The following CEP170 variants were observed in gnomAD, a reference collection of about 807,000 sequenced individuals.
The protein encoded by CEP170 is centrosomal protein 170.
A neutral mutation model predicts 151.9 loss-of-function variants in CEP170; 21 were observed. The ratio of observed to expected loss-of-function variants is 0.14; its 90% CI spans 0.10 to 0.20. The LOEUF (loss-of-function observed/expected upper bound fraction) is 0.20, where lower values mean the gene tolerates loss of function less well. Ranked by LOEUF, CEP170 falls within the 10% of genes least tolerant of loss-of-function variation. The pLI, the probability that CEP170 is intolerant of heterozygous loss-of-function variation, is 1.00. For missense variants in CEP170, 964 were observed against 1,892.9 expected, an observed-to-expected ratio of 0.51 and a Z score of 9.11; for synonymous variants, 356 against 648.8, an observed-to-expected ratio of 0.55 and a Z score of 6.86.
At chr1:243,145,346 CTCACTGCAA>C (rs1301983964) in intron 14 of CEP170, among the ~76,000 whole-genome samples, 3 of 152,190 alleles carry the variant, frequency 2.0e-5, no homozygotes, top group Admixed American at 2.0e-4. Context: ...GCAATCTCAG[CTCACTGCAA>C]CCTCTGCCTC....
chr1:243,162,193 A>C (rs2058120050), intron 13 of CEP170, among the ~76,000 whole-genome samples: 1 of 152,222 alleles, frequency 6.6e-6, no homozygotes, highest in African/African-American at 2.4e-5. Context: ...TACTCCTGAT[A>C]ATAATCCAGT....
At chr1:243,141,999 AT>A (rs2055896847) in intron 15 of CEP170, among the ~76,000 whole-genome samples, 1 of 152,182 alleles carries the variant, frequency 6.6e-6, no homozygotes, top group Admixed American at 6.5e-5. Flanking sequence ...TTATACCATC[AT>A]TTATCAAATT....
At chr1:243,211,819 GTTAAC>G (rs1255900310) in intron 4 of CEP170, 62 bp downstream of exon 4, 3 of 1,534,414 alleles carry the variant, frequency 2.0e-6, no homozygotes, top group Admixed American at 3.9e-5. Context: ...TTTTAAAAAT[GTTAAC>G]TTAAACCAGA....
intron 10 of CEP170, among the ~76,000 whole-genome samples, chr1:243,181,903 C>T (rs1014394383): frequency 6.6e-6 from 1 of 152,102 alleles, no homozygotes; most frequent in African/African-American, 2.4e-5. Context: ...TTTGCTCTCA[C>T]CCTATACATT....
rs769759316 is a variant in CEP170, at chr1:243,244,378, CA to C, written c.-42+10661del. Among the ~76,000 whole-genome samples the C allele has an allele frequency of 3.4e-4, 52 of 152,008 alleles. 1 individual carries two copies. The highest frequency in any genetic ancestry group is 5.2e-4 in the Admixed American group (8 of 15,242). On this transcript the variant is annotated intron_variant, in intron 1 of 19. Transcript: ENST00000366542. Reference sequence around the variant, plus strand: ...TGTATCACACACACACACACACACACACCCTCAAAAACTTACCTCCCAATTT... The same window carrying C: ...TGTATCACACACACACACACACACACCCCTCAAAAACTTACCTCCCAATTT...
intron 10 of CEP170, among the ~76,000 whole-genome samples, chr1:243,179,951 A>G (rs1186048397): frequency 6.6e-6 from 1 of 152,250 alleles, no homozygotes; most frequent in Non-Finnish European, 1.5e-5. Context: ...GGTGAGTAAA[A>G]GCCACTTCAA....
chr1:243,247,323 G>GA (rs1013198677), intron 1 of CEP170, among the ~76,000 whole-genome samples: 3 of 151,990 alleles, frequency 2.0e-5, no homozygotes, highest in African/African-American at 7.2e-5. Flanking sequence ...TTAGGATTGG[G>GA]AAAAAAAGCT....
intron 13 of CEP170, chr1:243,156,784 C>T: frequency 5.4e-6 from 1 of 184,716 alleles, no homozygotes; most frequent in Non-Finnish European, 1.1e-5. Context: ...GAGTACTTTT[C>T]AATTGCAAAT....
intron 2 of CEP170, among the ~76,000 whole-genome samples, chr1:243,224,760 A>G (rs1241561964): frequency 1.3e-5 from 2 of 152,200 alleles, no homozygotes; most frequent in African/African-American, 4.8e-5. Context: ...TTACTTTTAA[A>G]AATTGTCAAC....
intron 1 of CEP170, among the ~76,000 whole-genome samples, chr1:243,241,320 C>T (rs1240659352): frequency 6.6e-6 from 1 of 152,130 alleles, no homozygotes; most frequent in South Asian, 2.1e-4. Context: ...AATTTAATCG[C>T]CTTATAAAAC....
intron 13 of CEP170, among the ~76,000 whole-genome samples, chr1:243,162,032 C>G (rs2058104659): frequency 6.6e-6 from 1 of 152,106 alleles, no homozygotes. Context: ...AAGTGGGTAT[C>G]TTGAGAGAAT....
At chr1:243,163,847 TTTCTTCAAG>T (rs1454225092) in intron 13 of CEP170, among the ~76,000 whole-genome samples, 1 of 152,246 alleles carries the variant, frequency 6.6e-6, no homozygotes, top group East Asian at 1.9e-4. Context: ...ATATACTGCT[TTTCTTCAAG>T]TTCTTAAGGG....
chr1:243,152,684 A>G (rs1475298733), intron 14 of CEP170, among the ~76,000 whole-genome samples: 1 of 149,818 alleles, frequency 6.7e-6, no homozygotes, highest in Non-Finnish European at 1.5e-5. Context: ...GGCACGTACC[A>G]CCATGCCCAG....
intron 1 of CEP170, among the ~76,000 whole-genome samples, chr1:243,239,168 T>A (rs1436951051): frequency 6.6e-6 from 1 of 152,220 alleles, no homozygotes; most frequent in African/African-American, 2.4e-5. Flanking sequence ...CTCCTCAGAT[T>A]TAATTTTTAA....
chr1:243,182,232 C>T (rs2059664350), intron 10 of CEP170, among the ~76,000 whole-genome samples: 1 of 152,050 alleles, frequency 6.6e-6, no homozygotes. Context: ...TTTGACCCAG[C>T]ATGTAGCCCT....
chr1:243,174,781 C>A (rs1047171131), intron 10 of CEP170, among the ~76,000 whole-genome samples: 4 of 152,070 alleles, frequency 2.6e-5, no homozygotes, highest in Non-Finnish European at 4.4e-5. Context: ...TTAACATTAG[C>A]GTTAAGTTTA....
chr1:243,177,574 A>G (rs2059335758), intron 10 of CEP170, among the ~76,000 whole-genome samples: 1 of 152,208 alleles, frequency 6.6e-6, no homozygotes, highest in African/African-American at 2.4e-5. Context: ...GATCAAATCA[A>G]TAGTAGAGGT....
intron 4 of CEP170, among the ~76,000 whole-genome samples, chr1:243,210,796 T>C (rs907859839): frequency 1.3e-5 from 2 of 151,854 alleles, no homozygotes; most frequent in African/African-American, 2.4e-5. Flanking sequence ...AACATTTTTT[T>C]GTATTTTTAG....
chr1:243,168,955 C>A (rs899717655), intron 12 of CEP170, among the ~76,000 whole-genome samples: 1 of 150,130 alleles, frequency 6.7e-6, no homozygotes, highest in Non-Finnish European at 1.5e-5. Flanking sequence ...TGAATGAAAT[C>A]GTTTGGACCT....
Sources: allele counts gnomAD v4.1 joint callset (sites outside exome capture counted in the v4.1 genomes callset), GRCh38; gene constraint gnomAD v4.1.1; transcripts MANE v1.5; gene names NCBI Gene and HGNC (gene_info 2026-07-23, HGNC 2026-07-21).